Variants in ASTN2 observed in about 807,000 individuals in gnomAD.
ASTN2 encodes astrotactin 2.
ASTN2 carries 54 observed loss-of-function variants against 139.8 expected under a neutral mutation model. The observed-to-expected ratio is 0.39, with a 90% CI of 0.31 to 0.48. ASTN2 has a LOEUF of 0.48. Among genes scored for constraint, ASTN2 ranks in the 20% least tolerant of loss-of-function variants. The pLI is 0.95. For missense variants in ASTN2, 1,565 were observed against 1,725.1 expected, an observed-to-expected ratio of 0.91 and a Z score of 1.64; for synonymous variants, 756 against 719.5, an observed-to-expected ratio of 1.05 and a Z score of -0.81.
At chr9:116,697,342 G>A (rs1371568556) in intron 16 of ASTN2, 1 of 259,828 alleles carries the variant, frequency 3.8e-6, no homozygotes, top group East Asian at 8.8e-5. Flanking sequence ...AACCATATAA[G>A]GCAGACACCA....
intron 1 of ASTN2, among the ~76,000 whole-genome samples, chr9:117,305,512 G>GC (rs1834977547): frequency 6.6e-6 from 1 of 152,238 alleles, no homozygotes; most frequent in Non-Finnish European, 1.5e-5. Context: ...TCCCACCTCT[G>GC]CCACTCTATT....
chr9:117,123,138 ACCC>A (rs1829600732), intron 4 of ASTN2, among the ~76,000 whole-genome samples: 1 of 152,004 alleles, frequency 6.6e-6, no homozygotes, highest in Non-Finnish European at 1.5e-5. Flanking sequence ...ATCAGGCTCC[ACCC>A]TACAGTGGCA....
intron 19 of ASTN2, among the ~76,000 whole-genome samples, chr9:116,600,323 C>CAAAAAAAAAA (rs35224783): frequency 4.2e-5 from 5 of 118,940 alleles, no homozygotes; most frequent in Non-Finnish European, 5.3e-5. Flanking sequence ...GACCCTGTCT[C>CAAAAAAAAAA]AAAAAAAAAA....
chr9:117,217,811 T>C (rs1391240097), intron 2 of ASTN2, among the ~76,000 whole-genome samples: 1 of 152,206 alleles, frequency 6.6e-6, no homozygotes, highest in African/African-American at 2.4e-5. Context: ...AATAAAGGAA[T>C]GAATGAAGGA....
chr9:117,000,084 A>G (rs1409989482), intron 7 of ASTN2, among the ~76,000 whole-genome samples: 1 of 152,244 alleles, frequency 6.6e-6, no homozygotes, highest in African/African-American at 2.4e-5. Flanking sequence ...GAAGATACAC[A>G]TGACTGAATA....
chr9:116,484,251 G>A (rs529760631), intron 20 of ASTN2, among the ~76,000 whole-genome samples: 1 of 152,302 alleles, frequency 6.6e-6, no homozygotes, highest in East Asian at 1.9e-4. Flanking sequence ...GGTAAGCCTT[G>A]TTTGTGGAGT....
At chr9:116,712,809 G>T (rs1828202736) in intron 16 of ASTN2, among the ~76,000 whole-genome samples, 1 of 152,198 alleles carries the variant, frequency 6.6e-6, no homozygotes, top group Non-Finnish European at 1.5e-5. Flanking sequence ...TTCATTGTGT[G>T]TTATATGAAA....
At chr9:117,340,595 A>G (rs746816313) in intron 1 of ASTN2, among the ~76,000 whole-genome samples, 6 of 152,098 alleles carry the variant, frequency 3.9e-5, no homozygotes, top group Admixed American at 6.6e-5. Flanking sequence ...AGAGCAGAAG[A>G]ATCTGGCTCT....
At chr9:116,956,604 T>C (rs112227064) in intron 10 of ASTN2, among the ~76,000 whole-genome samples, 8 of 151,718 alleles carry the variant, frequency 5.3e-5, no homozygotes, top group Non-Finnish European at 1.0e-4. Flanking sequence ...CAAAAGACAT[T>C]CCGATTGAAA....
At chr9:117,365,223 G>A (rs1373474840) in intron 1 of ASTN2, among the ~76,000 whole-genome samples, 1 of 121,458 alleles carries the variant, frequency 8.2e-6, no homozygotes, top group Admixed American at 8.6e-5. Flanking sequence ...AGGAAGGAAG[G>A]AAAAAGAAAG....
At chr9:116,869,884 G>T (rs113367302) in intron 10 of ASTN2, among the ~76,000 whole-genome samples, 1 of 151,968 alleles carries the variant, frequency 6.6e-6, no homozygotes, top group Non-Finnish European at 1.5e-5. Context: ...TGGGAGGATC[G>T]CTTGAGCCCA....
At chr9:116,456,218 A>G (rs1211842865) in intron 20 of ASTN2, among the ~76,000 whole-genome samples, 1 of 152,218 alleles carries the variant, frequency 6.6e-6, no homozygotes, top group Non-Finnish European at 1.5e-5. Context: ...CTACATGCCA[A>G]TAATGAACAG....
intron 3 of ASTN2, among the ~76,000 whole-genome samples, chr9:117,192,947 A>T (rs4838273): frequency 0.97 from 148,050 of 152,332 alleles, 71,976 homozygotes; most frequent in Non-Finnish European, 0.99. Flanking sequence ...GCTGTATAAA[A>T]TAAAGCAGCT....
At chr9:116,455,984 T>C (rs1848321334) in intron 20 of ASTN2, among the ~76,000 whole-genome samples, 1 of 152,164 alleles carries the variant, frequency 6.6e-6, no homozygotes, top group African/African-American at 2.4e-5. Flanking sequence ...CTCTCATCAC[T>C]GTTACTCAAC....
chr9:116,839,804 G>A lies in ASTN2; in HGVS notation c.2041-19021C>T, dbSNP rs528262629. On this transcript the variant is annotated intron_variant, in intron 11 of 22. Transcript: ENST00000313400. ...TCCTTCCTCAGCCTCCTGAGTAGCC[G>A]GGACCACAGGTGCCCGCCACCACAC... Among the ~76,000 whole-genome samples, 170 of 150,978 alleles carry A rather than the reference G, an allele frequency of 1.1e-3. 1 individual carries two copies. The South Asian group carries it at 0.012, about 11-fold the overall frequency.
At position 117,102,264 on chromosome 9, in the gene ASTN2, A is replaced by G. The variant is rs142734377; in HGVS notation, c.1169-6113T>C. 2.4e-3 allele frequency among the ~76,000 whole-genome samples: 366 copies of G among 152,330 alleles called. 2 individuals are homozygous for G. The highest frequency in any genetic ancestry group is 8.0e-3 in the African/African-American group (334 of 41,584). On this transcript the variant is annotated intron_variant, in intron 4 of 22. Coordinates refer to ENST00000313400, the MANE Select transcript of ASTN2 (RefSeq NM_001365068.1). ...TGTTGCAAATATTTTGCTAAGTGAA[A>G]GAAGCCAGACATTAAAGGCAACATA...
chr9:116,618,218 A>C, intron 19 of ASTN2, 106 bp downstream of exon 19: 1 of 1,216,376 alleles, frequency 8.2e-7, no homozygotes, highest in South Asian at 1.8e-5. Context: ...GAAATCTTCC[A>C]ATGCCTTCCC....
intron 11 of ASTN2, among the ~76,000 whole-genome samples, chr9:116,853,152 C>T (rs770423112): frequency 2.6e-5 from 4 of 151,882 alleles, no homozygotes; most frequent in Non-Finnish European, 5.9e-5. Context: ...TACACCAAAC[C>T]GTGGCACATT....
At chr9:117,116,583 T>G (rs34142166) in intron 4 of ASTN2, among the ~76,000 whole-genome samples, 51,568 of 144,944 alleles carry the variant, frequency 0.36, 9,712 homozygotes, top group Non-Finnish European at 0.43. Flanking sequence ...TCAAAAGTTT[T>G]TTTTTTTTTT....
Sources: gnomAD v4.1 joint callset for allele counts (sites outside exome capture counted in the v4.1 genomes callset) on GRCh38, gnomAD v4.1.1 for gene constraint, MANE v1.5 for transcripts, NCBI Gene and HGNC (gene_info 2026-07-23, HGNC 2026-07-21) for gene names.